LRP1B: variants seen among roughly 807,000 people sequenced by gnomAD.
LRP1B encodes the protein LDL receptor related protein 1B.
In LRP1B, 217 loss-of-function variants were observed where a neutral mutation model predicts 556.6. That is an observed-to-expected ratio of 0.39 (90% CI 0.35 to 0.44). LRP1B has a LOEUF of 0.44. LRP1B is among the 20% of genes least tolerant of loss of function. The pLI is 1.00. For missense variants in LRP1B, 5,053 were observed against 5,620.8 expected (o/e 0.90, Z 3.23); for synonymous variants, 2,047 against 1,865.8 (o/e 1.10, Z -2.50).
chr2:142,000,057 A>T (rs1158574276), intron 1 of LRP1B, among the ~76,000 whole-genome samples: 1 of 150,742 alleles, frequency 6.6e-6, no homozygotes, highest in East Asian at 1.9e-4. Flanking sequence ...ACTTATAAAA[A>T]TCAAAGTATA....
rs1174775278 is a variant in LRP1B at position 141,284,922 on chromosome 2, G to C, written c.344-30281C>G. ...TCCGGCTCTATCCTTTTTAAAGATT[G>C]CTTCGATGAGTCTAGGTCCTTTGCA... On this transcript the variant is annotated intron_variant, in intron 3 of 90. Coordinates refer to ENST00000389484, the MANE Select transcript of LRP1B (RefSeq NM_018557.3). Among the ~76,000 whole-genome samples, 5 of 152,062 alleles carry C rather than the reference G, an allele frequency of 3.3e-5. No homozygotes were observed. In the East Asian group the frequency reaches 9.6e-4, roughly 29 times the overall value.
chr2:140,343,169 CAT>C (rs1255924013), intron 77 of LRP1B, among the ~76,000 whole-genome samples: 3 of 151,270 alleles, frequency 2.0e-5, no homozygotes, highest in Non-Finnish European at 4.4e-5. Flanking sequence ...TTTAATAAAA[CAT>C]GAGAAAATAT....
intron 65 of LRP1B, 91 bp from the exon 66 acceptor site, chr2:140,442,714 T>G: frequency 7.8e-6 from 10 of 1,281,136 alleles, no homozygotes; most frequent in Non-Finnish European, 8.7e-6. Context: ...TAAGACAGTT[T>G]ATCGAAAAAT....
intron 2 of LRP1B, among the ~76,000 whole-genome samples, chr2:141,676,487 G>A (rs1574229115): frequency 6.6e-6 from 1 of 151,988 alleles, no homozygotes; most frequent in African/African-American, 2.4e-5. Flanking sequence ...CAGGCATCTG[G>A]TTGATCTCAC....
intron 2 of LRP1B, among the ~76,000 whole-genome samples, chr2:141,589,286 C>T (rs971199188): frequency 3.9e-5 from 6 of 152,102 alleles, no homozygotes; most frequent in Admixed American, 2.6e-4. Context: ...ACTGATCAAA[C>T]TATGGAACTT....
At position 141,461,745 on chromosome 2, in the gene LRP1B, T is replaced by A. The variant is rs187458659; in HGVS notation, c.343+18651A>T. Among the ~76,000 whole-genome samples the A allele has an allele frequency of 5.3e-5, 8 of 152,330 alleles. No individual in the cohort carries two copies. In the East Asian group the frequency reaches 1.5e-3, roughly 29 times the overall value. On this transcript the variant is annotated intron_variant, in intron 3 of 90. Coordinates refer to ENST00000389484, the MANE Select transcript of LRP1B (RefSeq NM_018557.3). ...AAAATAAGTCTCTGAGACACTTCAATATCCCCCTCTGTTGGAAGACAACCT... is the reference window on the plus strand; with the variant it reads ...AAAATAAGTCTCTGAGACACTTCAAAATCCCCCTCTGTTGGAAGACAACCT...
intron 1 of LRP1B, among the ~76,000 whole-genome samples, chr2:142,115,125 G>T (rs998031942): frequency 1.3e-5 from 2 of 151,994 alleles, no homozygotes; most frequent in Admixed American, 6.6e-5. Flanking sequence ...TCTTGCAATT[G>T]GTTATCACCT....
Position 140,506,836 on chromosome 2 carries a change from A to G in LRP1B, c.8481T>C (p.Asp2827=), listed in dbSNP as rs368175608. 1 of 1,614,076 alleles carries G rather than the reference A, an allele frequency of 6.2e-7. No homozygotes were observed. The change falls in exon 53 of 91, where the codon GAT becomes GAC. Residue 2827 remains aspartate (D), a synonymous_variant. Transcript: ENST00000389484. ...CATCAGAGCCATCTCCACAGTCGTCATCATGGTCACAAACAAATTGCTTGG... is the reference window on the plus strand; with the variant it reads ...CATCAGAGCCATCTCCACAGTCGTCGTCATGGTCACAAACAAATTGCTTGG... ...CIPKQFVCDH[D]DDCGDGSDES...
At chr2:141,241,932 A>G (rs557562701) in intron 5 of LRP1B, among the ~76,000 whole-genome samples, 7 of 151,750 alleles carry the variant, frequency 4.6e-5, no homozygotes, top group African/African-American at 1.7e-4. Context: ...GACTATCTAA[A>G]AAATAATGTA....
At chr2:142,028,940 T>C (rs1017713556) in intron 1 of LRP1B, among the ~76,000 whole-genome samples, 1 of 151,950 alleles carries the variant, frequency 6.6e-6, no homozygotes, top group Non-Finnish European at 1.5e-5. Flanking sequence ...TTCATATGCT[T>C]ATTTTTCTAT....
At chr2:141,807,663 G>A (rs964578661) in intron 2 of LRP1B, among the ~76,000 whole-genome samples, 11 of 152,042 alleles carry the variant, frequency 7.2e-5, no homozygotes, top group African/African-American at 1.9e-4. Flanking sequence ...TAACTGACAC[G>A]CAATTTCCAA....
Position 140,546,040 on chromosome 2 carries a change from T to C in LRP1B, c.7195-4069A>G, listed in dbSNP as rs563160491. 8.1e-5 allele frequency among the ~76,000 whole-genome samples: 9 copies of C among 111,294 alleles called. No homozygotes were observed. The East Asian group carries it at 3.2e-3, about 40-fold the overall frequency. 73.0% of individuals were successfully genotyped at this position (111,294 alleles called of 152,430 possible). ...TGTGTGTGTGTGTGTGTGTGTCTGTTGCAATTGTGAATGGGACTGCATCTC... is the reference window on the plus strand; with the variant it reads ...TGTGTGTGTGTGTGTGTGTGTCTGTCGCAATTGTGAATGGGACTGCATCTC... On this transcript the variant is annotated intron_variant, in intron 43 of 90. Transcript: ENST00000389484.
At chr2:140,982,082 C>T (rs1696786081) in intron 18 of LRP1B, 78 bp downstream of exon 18, 2 of 1,099,702 alleles carry the variant, frequency 1.8e-6, no homozygotes, top group African/African-American at 1.6e-5. Flanking sequence ...AAATAAATAG[C>T]CCTTTAAGGA....
chr2:141,191,374 T>C (rs1249645246), intron 6 of LRP1B, among the ~76,000 whole-genome samples: 1 of 151,960 alleles, frequency 6.6e-6, no homozygotes, highest in Non-Finnish European at 1.5e-5. Flanking sequence ...GCCTAAACTT[T>C]CCTCCTATCC....
At chr2:140,933,658 TA>T (rs901224656) in intron 20 of LRP1B, among the ~76,000 whole-genome samples, 1 of 152,128 alleles carries the variant, frequency 6.6e-6, no homozygotes, top group African/African-American at 2.4e-5. Context: ...AAGTGCATAA[TA>T]ATTGTCTTAC....
intron 11 of LRP1B, 149 bp from the exon 12 acceptor site, chr2:141,020,251 G>A (rs757821584): frequency 1.6e-4 from 76 of 463,166 alleles, no homozygotes; most frequent in Non-Finnish European, 2.5e-4. Context: ...TTTTGCAAAT[G>A]TCACTATTCT....
chr2:141,992,247 TTTC>T (rs1702368214), intron 1 of LRP1B, among the ~76,000 whole-genome samples: 1 of 152,138 alleles, frequency 6.6e-6, no homozygotes, highest in South Asian at 2.1e-4. Context: ...TATCTACGCA[TTTC>T]TTTTAATAGA....
chr2:141,107,370 G>A (rs1162395997), intron 7 of LRP1B, among the ~76,000 whole-genome samples: 1 of 152,116 alleles, frequency 6.6e-6, no homozygotes, highest in Non-Finnish European at 1.5e-5. Context: ...TATTTAGGCT[G>A]GGCACGGTAG....
intron 7 of LRP1B, among the ~76,000 whole-genome samples, chr2:141,068,123 T>C (rs6734959): frequency 0.48 from 73,411 of 151,704 alleles, 18,883 homozygotes; most frequent in Non-Finnish European, 0.58. Context: ...TTATTTAACG[T>C]TCTATTTTAA....
Sources: gnomAD v4.1 joint callset for allele counts (sites outside exome capture counted in the v4.1 genomes callset) on GRCh38, gnomAD v4.1.1 for gene constraint, MANE v1.5 for transcripts, NCBI Gene and HGNC (gene_info 2026-07-23, HGNC 2026-07-21) for gene names.